The following CABIN1 variants were observed in gnomAD, a reference collection of about 807,000 sequenced individuals.
CABIN1 encodes the protein calcineurin-binding protein cabin-1.
Under a neutral mutation model 227.7 loss-of-function variants are expected in CABIN1, and 133 were observed. The observed-to-expected ratio is 0.58, with a 90% CI of 0.51 to 0.67. CABIN1 has a LOEUF of 0.67. Among genes scored for constraint, CABIN1 ranks in the 30% least tolerant of loss-of-function variants. The pLI, the probability that CABIN1 is intolerant of heterozygous loss-of-function variation, is 0.00. For synonymous variants in CABIN1, 1,086 were observed against 1,155.1 expected, an observed-to-expected ratio of 0.94 and a Z score of 1.21; for missense variants, 2,408 against 2,852.5, an observed-to-expected ratio of 0.84 and a Z score of 3.55.
chr22:24,029,227 GC>G (rs2036317638), intron 1 of CABIN1, among the ~76,000 whole-genome samples: 1 of 152,138 alleles, frequency 6.6e-6, no homozygotes, highest in African/African-American at 2.4e-5. Flanking sequence ...GGTGGAGCAT[GC>G]CTGTAATGCC....
Position 24,076,177 on chromosome 22 carries a change from G to C in CABIN1, c.2641G>C (p.Glu881Gln), listed in dbSNP as rs757703668. 1 of 1,614,102 alleles carries C rather than the reference G, an allele frequency of 6.2e-7. No homozygotes were observed. ...LQNPAEEGMS[E>Q]TPMLPSSLML... ...GCCTGGGCTTTCCCTAGGGATGTCA[G>C]AGACGCCCATGCTCCCATCCTCCCT... The change falls in exon 19 of 37, where the codon GAG becomes CAG. Residue 881 changes from glutamate to glutamine, a missense_variant. Glu to Gln is a conservative substitution (Grantham distance 29, BLOSUM62 2). Coordinates refer to ENST00000263119, the MANE Select transcript of CABIN1 (RefSeq NM_012295.4).
At position 24,054,899 on chromosome 22, in the gene CABIN1, T is replaced by C; in HGVS notation, c.833T>C (p.Leu278Pro). The change falls in exon 9 of 37, where the codon CTG becomes CCG. Residue 278 changes from leucine (L) to proline (P), a missense_variant. Coordinates refer to ENST00000263119, the MANE Select transcript of CABIN1 (RefSeq NM_012295.4). ...TGGAAGTGCCTCGGAGAGAGCTTGC[T>C]GGCCATGTACAATCATCTCACCACC... is the stretch of plus-strand genomic sequence containing the variant. ...FTWKCLGESL[L>P]AMYNHLTTCE... The C allele has an allele frequency of 6.2e-7, 1 of 1,614,190 alleles. No homozygotes were observed. The highest frequency in any genetic ancestry group is 8.5e-7 in the Non-Finnish European group (1 of 1,180,020).
intron 18 of CABIN1, 120 bp from the exon 19 acceptor site, chr22:24,076,049 G>T: frequency 5.9e-5 from 39 of 656,560 alleles, no homozygotes; most frequent in Non-Finnish European, 8.0e-5. Flanking sequence ...GAAAGGAAAA[G>T]TCTGTAGTCA....
intron 22 of CABIN1, among the ~76,000 whole-genome samples, chr22:24,087,147 T>A (rs8135100): frequency 0.02 from 3,021 of 152,318 alleles, 35 homozygotes; most frequent in Admixed American, 0.026. Context: ...GCTCATCCAT[T>A]AGAGTACTTA....
intron 1 of CABIN1, among the ~76,000 whole-genome samples, chr22:24,021,251 G>A (rs1488245290): frequency 6.6e-6 from 1 of 151,624 alleles, no homozygotes; most frequent in African/African-American, 2.4e-5. Flanking sequence ...GACTCCTGGA[G>A]TCAAAGGATC....
intron 4 of CABIN1, 104 bp from the exon 5 acceptor site, chr22:24,041,035 C>G (rs2037327400): frequency 7.2e-7 from 1 of 1,398,382 alleles, no homozygotes; most frequent in Non-Finnish European, 1.0e-6. Context: ...ACTAGACTGG[C>G]TCAAGGGCCT....
intron 28 of CABIN1, among the ~76,000 whole-genome samples, chr22:24,124,077 A>G (rs1330523147): frequency 3.3e-5 from 5 of 152,268 alleles, no homozygotes; most frequent in Non-Finnish European, 7.4e-5. Context: ...CTTTTGGGGG[A>G]GGAGGAGAGA....
Position 24,062,967 on chromosome 22 carries a change from C to T in CABIN1, c.1705C>T (p.Arg569Trp), listed in dbSNP as rs771628800. Residue 569 changes from arginine to tryptophan, a missense_variant, in exon 14 of 37, where the codon CGG becomes TGG. This residue lies in a region of CABIN1 where 1,045 missense variants were observed against 1,168.4 expected (regional missense o/e 0.89). Coordinates refer to ENST00000263119, the MANE Select transcript of CABIN1 (RefSeq NM_012295.4). The part of the protein sequence containing the change: ...TKGRSSAVSP[R>W]NCPAGMVNGR... ...GGCCTGATGGTTTTTAGTGTCTCCT[C>T]GGAACTGCCCTGCTGGTATGGTGAA... The T allele has an allele frequency of 1.1e-5, 18 of 1,614,006 alleles. No homozygotes were observed. Among genetic ancestry groups the T allele is most frequent in the Admixed American group, 1.7e-5 (1 of 60,004 alleles).
In CABIN1 at chr22:24,056,325, C is replaced by T. The variant is rs1196383706; in HGVS notation, c.1227C>T (p.Asp409=). 1.2e-6 allele frequency: 2 copies of T among 1,613,808 alleles called. No homozygotes were observed. The highest frequency in any genetic ancestry group is 1.7e-6 in the Non-Finnish European group (2 of 1,179,858). ...NTKCKKEEKV[D]FQELLMKFLP... is the part of the protein sequence containing the mutation. The stretch of plus-strand genomic sequence containing the variant: ...AGTGCAAAAAAGAAGAGAAAGTAGA[C>T]TTCCAGGAGCTTCTGATGAAGTTCT... The change falls in exon 10 of 37, where the codon GAC becomes GAT. Residue 409 remains aspartate, a synonymous_variant. Coordinates refer to ENST00000263119, the MANE Select transcript of CABIN1 (RefSeq NM_012295.4).
intron 33 of CABIN1, among the ~76,000 whole-genome samples, chr22:24,171,104 A>T (rs1447666344): frequency 6.6e-6 from 1 of 152,188 alleles, no homozygotes; most frequent in Non-Finnish European, 1.5e-5. Flanking sequence ...GGAGGCCCCT[A>T]GGGCCCGGCT....
At chr22:24,021,694 T>TTTTTTG (rs1177506407) in intron 1 of CABIN1, among the ~76,000 whole-genome samples, 5 of 152,196 alleles carry the variant, frequency 3.3e-5, no homozygotes, top group Admixed American at 1.3e-4. Context: ...TTATTCTTTG[T>TTTTTTG]TTTTTGTTTT....
At chr22:24,113,257 C>A (rs930190032) in intron 26 of CABIN1, among the ~76,000 whole-genome samples, 1 of 152,258 alleles carries the variant, frequency 6.6e-6, no homozygotes, top group African/African-American at 2.4e-5. Flanking sequence ...TATTTACACT[C>A]CAGAAATCAG....
intron 19 of CABIN1, among the ~76,000 whole-genome samples, chr22:24,080,384 G>C (rs2040728730): frequency 1.3e-5 from 2 of 152,112 alleles, no homozygotes; most frequent in Non-Finnish European, 2.9e-5. Context: ...ACCATTGTAC[G>C]ATCACTCTGT....
At chr22:24,143,580 T>C (rs2044912511) in intron 29 of CABIN1, among the ~76,000 whole-genome samples, 1 of 152,186 alleles carries the variant, frequency 6.6e-6, no homozygotes, top group South Asian at 2.1e-4. Flanking sequence ...GATGCTACCC[T>C]GCCTGCAGTG....
Position 24,076,252 on chromosome 22 carries a change from T to A in CABIN1, c.2716T>A (p.Cys906Ser). The change falls in exon 19 of 37, where the codon TGC becomes AGC. Residue 906 changes from cysteine to serine, a missense_variant. Physicochemically the swap from Cys to Ser is moderately radical, Grantham distance 112 (BLOSUM62 -1). Transcript: ENST00000263119. ...HEYLGRRSWC[C>S]NSDGALLRFY... ...GTATTTGGGCAGAAGGTCCTGGTGC[T>A]GCAATTCAGATGGGGCTCTGCTGCG... 6.2e-7 allele frequency: 1 copy of A among 1,614,148 alleles called. No individual in the cohort carries two copies. Among genetic ancestry groups the A allele is most frequent in the South Asian group, 1.1e-5 (1 of 91,082 alleles).
chr22:24,058,941 T>G (rs1399826222), intron 10 of CABIN1, among the ~76,000 whole-genome samples: 2 of 152,232 alleles, frequency 1.3e-5, no homozygotes, highest in Non-Finnish European at 2.9e-5. Flanking sequence ...CTGCCACATT[T>G]AGGGCTGCTG....
chr22:24,021,347 A>G (rs902001501), intron 1 of CABIN1, among the ~76,000 whole-genome samples: 4 of 152,180 alleles, frequency 2.6e-5, no homozygotes, highest in Admixed American at 2.6e-4. Context: ...TTGTAGAGAC[A>G]GGGTCTCACT....
In CABIN1 at chr22:24,163,741, C is replaced by T. The variant is rs572890813; in HGVS notation, c.4747-659C>T. 9.6e-4 allele frequency among the ~76,000 whole-genome samples: 146 copies of T among 152,300 alleles called. 1 individual carries two copies. Among genetic ancestry groups the T allele is most frequent in the African/African-American group, 3.3e-3 (136 of 41,560 alleles). ...CACTAGGACACTGCAGGGAACCAGG[C>T]CCTGGAGCTAGTGATAGGTAGGGGG... On this transcript the variant is annotated intron_variant, in intron 29 of 36. Transcript: ENST00000263119.
At chr22:24,049,296 C>G in intron 7 of CABIN1, 76 bp downstream of exon 7, 3 of 1,559,076 alleles carry the variant, frequency 1.9e-6, no homozygotes, top group East Asian at 2.3e-5. Context: ...ACACCACATT[C>G]TCCCCTCAGG....
Sources: gnomAD v4.1 joint callset for allele counts (sites outside exome capture counted in the v4.1 genomes callset) on GRCh38, gnomAD v4.1.1 for gene constraint, gnomAD v4.1.1 regional missense constraint, MANE v1.5 for transcripts, NCBI Gene and HGNC (gene_info 2026-07-23, HGNC 2026-07-21) for gene names.